ADAM33: variants seen among roughly 807,000 people sequenced by gnomAD.
ADAM33 encodes the protein ADAM metallopeptidase domain 33, also known as disintegrin and metalloproteinase domain-containing protein 33.
Under a neutral mutation model 106.2 loss-of-function variants are expected in ADAM33, and 103 were observed. The observed-to-expected ratio is 0.97, with a 90% CI of 0.83 to 1.14. The LOEUF is 1.14. Among genes scored for constraint, ADAM33 ranks in the 50% most tolerant of loss-of-function variants. The pLI, the probability that ADAM33 is intolerant of heterozygous loss-of-function variation, is 0.00. For synonymous variants in ADAM33, 483 were observed against 453.0 expected, an observed-to-expected ratio of 1.07 and a Z score of -0.84; for missense variants, 1,120 against 1,096.6, an observed-to-expected ratio of 1.02 and a Z score of -0.30.
intron 3 of ADAM33, 131 bp downstream of exon 3, chr20:3,676,936 C>T (rs1277544640): frequency 6.2e-6 from 6 of 960,828 alleles, no homozygotes; most frequent in South Asian, 3.7e-5. Flanking sequence ...CACAGGCCTG[C>T]GTGACTCTCC....
intron 3 of ADAM33, among the ~76,000 whole-genome samples, chr20:3,676,062 C>T (rs918760932): frequency 3.3e-5 from 5 of 152,218 alleles, no homozygotes; most frequent in Admixed American, 2.6e-4. Context: ...GAATAAAATA[C>T]GTGTCAAGTG....
In ADAM33 at chr20:3,671,283, C is replaced by T. The variant is rs773866645; in HGVS notation, c.2046G>A (p.Lys682=). 7 of 1,613,922 alleles carry T rather than the reference C, an allele frequency of 4.3e-6. No homozygotes were observed. In the South Asian group the frequency reaches 5.5e-5, roughly 13 times the overall value. Residue 682 remains lysine (K), a synonymous_variant, in exon 18 of 22, where the codon AAG becomes AAA. Transcript: ENST00000356518. ...APGWAPPFCD[K]PGFGGSMDSG... ...TGTCCATGCTGCCACCAAAGCCTGG[C>T]TTGTCACAGAAGGGTGGAGCCCAGC...
intron 19 of ADAM33, chr20:3,670,717 T>C (rs760618104): frequency 1.1e-4 from 46 of 406,970 alleles, no homozygotes; most frequent in Non-Finnish European, 1.4e-4. Flanking sequence ...AAGTCAAGGG[T>C]GAGGCAGCCA....
At chr20:3,672,046 A>T in intron 14 of ADAM33, 61 bp from the exon 15 acceptor site, 1 of 1,559,916 alleles carries the variant, frequency 6.4e-7, no homozygotes. Flanking sequence ...AGCGGGCCTC[A>T]GTTTCCCCTG....
chr20:3,677,546 C>T lies in ADAM33; in HGVS notation c.178-403G>A, dbSNP rs1227845268. ...GGGCATCGGGTAGCCATGGTCAGGG[C>T]CTCCTCAGAGCCTCTGCTACCTGAG... On this transcript the variant is annotated intron_variant, in intron 2 of 21. Coordinates refer to ENST00000356518, the MANE Select transcript of ADAM33 (RefSeq NM_025220.5). 5.3e-5 allele frequency among the ~76,000 whole-genome samples: 8 copies of T among 152,308 alleles called. No homozygotes were observed. In the East Asian group the frequency reaches 1.5e-3, roughly 29 times the overall value.
At chr20:3,678,373 G>A (rs966713609) in intron 2 of ADAM33, among the ~76,000 whole-genome samples, 1 of 152,102 alleles carries the variant, frequency 6.6e-6, no homozygotes, top group Non-Finnish European at 1.5e-5. Flanking sequence ...CCCCTTTGGG[G>A]CTCTCCTCTT....
In ADAM33 at chr20:3,668,880, G is replaced by A; in HGVS notation, c.*83C>T. 1 of 1,509,412 alleles carries A rather than the reference G, an allele frequency of 6.6e-7. No individual in the cohort carries two copies. The highest frequency in any genetic ancestry group is 1.1e-5 in the South Asian group (1 of 88,470). The allele number at this position is 1,509,412 out of a possible 1,614,324, so 93.5% of individuals were successfully genotyped here. ...GGTGCTGGAGGTCCGGTGATTCACTGGCTCTGCCCCTGCAGTTCAAGTTCC... is the reference window on the plus strand; with the variant it reads ...GGTGCTGGAGGTCCGGTGATTCACTAGCTCTGCCCCTGCAGTTCAAGTTCC... On this transcript the variant is annotated 3_prime_UTR_variant, in exon 22 of 22. Transcript: ENST00000356518.
intron 1 of ADAM33, 95 bp downstream of exon 1, chr20:3,681,813 T>G: frequency 1.4e-6 from 2 of 1,467,976 alleles, no homozygotes; most frequent in Non-Finnish European, 1.8e-6. Context: ...CGTGAGACCC[T>G]CCGCGCGCTG....
At chr20:3,679,594 G>T in intron 1 of ADAM33, 23 bp from the exon 2 acceptor site, 2 of 1,592,368 alleles carry the variant, frequency 1.3e-6, no homozygotes, top group East Asian at 2.3e-5. Flanking sequence ...CAGAGCACAG[G>T]GTGAGGGGGA....
chr20:3,670,921 C>A, intron 19 of ADAM33, 85 bp downstream of exon 19: 1 of 1,452,490 alleles, frequency 6.9e-7, no homozygotes, highest in Non-Finnish European at 9.1e-7. Flanking sequence ...AGGCTGAGGG[C>A]CTGCCCCAGC....
At chr20:3,677,571 G>A (rs1432789673) in intron 2 of ADAM33, among the ~76,000 whole-genome samples, 1 of 152,200 alleles carries the variant, frequency 6.6e-6, no homozygotes, top group Non-Finnish European at 1.5e-5. Context: ...TGCTACCTGA[G>A]GCTTGTTTCC....
chr20:3,673,589 CGA>C lies in ADAM33; in HGVS notation c.973_974del (p.Ser325GlyfsTer21). 7.3e-7 allele frequency: 1 copy of C among 1,376,242 alleles called. No individual in the cohort carries two copies. Among genetic ancestry groups the C allele is most frequent in the Admixed American group, 3.8e-5 (1 of 26,552 alleles). The allele number at this position is 1,376,242 out of a possible 1,614,324, so 85.3% of individuals were successfully genotyped here. A position where few individuals can be genotyped will look rare whatever the true frequency, so the allele number is the denominator to read the frequency against. On this transcript the variant is annotated frameshift_variant, in exon 10 of 22. Coordinates refer to ENST00000356518, the MANE Select transcript of ADAM33 (RefSeq NM_025220.5). LOFTEE classifies it high-confidence loss of function. ...PVEGMCRAES[S>X]GGVSTDHSEL... ...CGGGGCTCACCGTGCTCACGCCTCC[CGA>C]GCTCTCGGCGCGGCACATGCCCTCG...
At chr20:3,681,875 G>T in intron 1 of ADAM33, 33 bp downstream of exon 1, 1 of 1,592,100 alleles carries the variant, frequency 6.3e-7, no homozygotes, top group Non-Finnish European at 8.5e-7. Flanking sequence ...CGCCTAGCCT[G>T]CCCCTCAGGG....
intron 6 of ADAM33, 79 bp downstream of exon 6, chr20:3,674,425 G>C: frequency 1.1e-5 from 17 of 1,599,690 alleles, no homozygotes; most frequent in Non-Finnish European, 1.4e-5. Context: ...GGGACTCGAG[G>C]CCTGTGAATT....
intron 1 of ADAM33, 106 bp downstream of exon 1, chr20:3,681,801 GC>G: frequency 1.4e-6 from 2 of 1,433,728 alleles, no homozygotes; most frequent in East Asian, 2.8e-5. Flanking sequence ...TGGTGCCGGG[GC>G]CGTGAGACCC....
chr20:3,671,624 C>T lies in ADAM33; in HGVS notation c.1862G>A (p.Gly621Asp), dbSNP rs765763993. The part of the protein sequence containing the change: ...ALPSAQLDLL[G>D]LGLVEPGTQC... ...GGTGCCTGGCTCTACCAGGCCCAGG[C>T]CAAGCAGGTCCAGCTGGGCACTGGG... The change falls in exon 16 of 22, where the codon GGC (glycine) becomes GAC (aspartate). Residue 621 changes from glycine (G) to aspartate (D), a missense_variant. Physicochemically the swap from Gly to Asp is moderately conservative, Grantham distance 94. Coordinates refer to ENST00000356518, the MANE Select transcript of ADAM33 (RefSeq NM_025220.5). 2 of 1,580,962 alleles carry T rather than the reference C, an allele frequency of 1.3e-6. No homozygotes were observed. The highest frequency in any genetic ancestry group is 1.7e-6 in the Non-Finnish European group (2 of 1,163,036).
At chr20:3,677,240 T>A in intron 2 of ADAM33, 97 bp from the exon 3 acceptor site, 1 of 1,101,760 alleles carries the variant, frequency 9.1e-7, no homozygotes, top group East Asian at 2.9e-5. Flanking sequence ...GAGGAAGTTC[T>A]TGGGGAGAAC....
At chr20:3,672,672 C>T (rs1381726111) in intron 12 of ADAM33, 46 bp from the exon 13 acceptor site, 2 of 1,608,726 alleles carry the variant, frequency 1.2e-6, no homozygotes, top group Non-Finnish European at 1.7e-6. Flanking sequence ...GCGCAGCGCC[C>T]CAGACCTGAG....
chr20:3,669,960 T>C, intron 19 of ADAM33: 1 of 501,626 alleles, frequency 2.0e-6, no homozygotes, highest in Non-Finnish European at 3.6e-6. Flanking sequence ...TGTCCGCCCC[T>C]TCGGCAGCTA....
Sources: allele counts gnomAD v4.1 joint callset (sites outside exome capture counted in the v4.1 genomes callset), GRCh38; gene constraint gnomAD v4.1.1; transcripts MANE v1.5; gene names NCBI Gene and HGNC (gene_info 2026-07-23, HGNC 2026-07-21).